Variants in UBE2V2 observed in about 807,000 individuals in gnomAD.
UBE2V2 encodes ubiquitin-conjugating enzyme E2 variant 2.
A neutral mutation model predicts 17.2 loss-of-function variants in UBE2V2; 9 were observed. The ratio of observed to expected loss-of-function variants is 0.52; its 90% CI spans 0.32 to 0.91. The LOEUF is 0.91. Ranked by LOEUF, UBE2V2 falls within the 40% of genes least tolerant of loss-of-function variation. The pLI is 0.04. For synonymous variants in UBE2V2, 61 were observed against 57.5 expected, an observed-to-expected ratio of 1.06 and a Z score of -0.28; for missense variants, 133 against 182.6, an observed-to-expected ratio of 0.73 and a Z score of 1.56.
At chr8:48,009,240 G>T (rs1367283481) in intron 1 of UBE2V2, among the ~76,000 whole-genome samples, 15 of 151,024 alleles carry the variant, frequency 9.9e-5, no homozygotes, top group Admixed American at 8.6e-4. Context: ...ATGTTAACCC[G>T]TGTGATCTGC....
At position 48,043,026 on chromosome 8, in the gene UBE2V2, T is replaced by G. The variant is rs2091474663; in HGVS notation, c.17-7T>G. 6.6e-7 allele frequency: 1 copy of G among 1,508,362 alleles called. No individual in the cohort carries two copies. The highest frequency in any genetic ancestry group is 2.1e-5 in the Admixed American group (1 of 48,192). The allele number at this position is 1,508,362 out of a possible 1,614,324, so 93.4% of individuals were successfully genotyped here. A position where few individuals can be genotyped will look rare whatever the true frequency, so the allele number is the denominator to read the frequency against. On this transcript the variant is annotated splice_polypyrimidine_tract_variant and splice_region_variant and intron_variant, in intron 1 of 3. Transcript: ENST00000523111. Reference sequence around the variant, plus strand: ...TTTTACATTTACACTGACGTTCTTTTGTATAGGAGTTAAAGTTCCTCGTAA... The same window carrying G: ...TTTTACATTTACACTGACGTTCTTTGGTATAGGAGTTAAAGTTCCTCGTAA...
chr8:48,044,074 A>G (rs575302063), intron 2 of UBE2V2, among the ~76,000 whole-genome samples: 1 of 152,130 alleles, frequency 6.6e-6, no homozygotes, highest in Non-Finnish European at 1.5e-5. Context: ...TTGGTTTTGT[A>G]TACTGGTTGC....
intron 1 of UBE2V2, among the ~76,000 whole-genome samples, chr8:48,027,109 C>T (rs761434472): frequency 1.1e-4 from 16 of 151,974 alleles, no homozygotes; most frequent in Non-Finnish European, 2.4e-4. Context: ...CTCAGCCTCC[C>T]ACGTAGCTTG....
chr8:48,035,955 T>C (rs986981082), intron 1 of UBE2V2, among the ~76,000 whole-genome samples: 2 of 130,642 alleles, frequency 1.5e-5, no homozygotes, highest in Non-Finnish European at 3.6e-5. Context: ...TTTCTTTTTT[T>C]TTTTTTTTTT....
chr8:48,031,893 G>T (rs900672456), intron 1 of UBE2V2, among the ~76,000 whole-genome samples: 5 of 152,064 alleles, frequency 3.3e-5, no homozygotes, highest in African/African-American at 1.2e-4. Context: ...TGATCCACCC[G>T]CCTTGGCCTC....
chr8:48,020,457 A>G (rs575313602), intron 1 of UBE2V2, among the ~76,000 whole-genome samples: 1 of 151,758 alleles, frequency 6.6e-6, no homozygotes, highest in East Asian at 1.9e-4. Flanking sequence ...CCATTCAGTC[A>G]CTCTATGTCT....
chr8:48,014,756 A>C (rs2091256868), intron 1 of UBE2V2, among the ~76,000 whole-genome samples: 1 of 151,786 alleles, frequency 6.6e-6, no homozygotes, highest in Non-Finnish European at 1.5e-5. Flanking sequence ...TATTTCATTA[A>C]AAAAAGCTTG....
chr8:48,018,559 T>C (rs2091284887), intron 1 of UBE2V2, among the ~76,000 whole-genome samples: 1 of 152,236 alleles, frequency 6.6e-6, no homozygotes, highest in African/African-American at 2.4e-5. Context: ...TTAAGACTTA[T>C]TTTGTGGCTT....
chr8:48,046,491 G>T (rs2091500066), intron 2 of UBE2V2, among the ~76,000 whole-genome samples: 1 of 152,282 alleles, frequency 6.6e-6, no homozygotes, highest in East Asian at 1.9e-4. Context: ...GACCTCAGAT[G>T]ATCCGCCCAC....
intron 1 of UBE2V2, among the ~76,000 whole-genome samples, chr8:48,018,760 C>T (rs2091285612): frequency 6.6e-6 from 1 of 152,156 alleles, no homozygotes; most frequent in Admixed American, 6.6e-5. Flanking sequence ...GTGAAAATCT[C>T]CTACTGTTAC....
intron 2 of UBE2V2, 116 bp from the exon 3 acceptor site, chr8:48,049,737 A>G: frequency 1.1e-6 from 1 of 910,732 alleles, no homozygotes; most frequent in Non-Finnish European, 1.6e-6. Context: ...ATTCTTAATC[A>G]TAAACACTGT....
chr8:48,028,272 A>T (rs890966817), intron 1 of UBE2V2, among the ~76,000 whole-genome samples: 24 of 151,066 alleles, frequency 1.6e-4, no homozygotes, highest in Non-Finnish European at 3.5e-4. Flanking sequence ...GGTTCAAGTG[A>T]TCCTCCCACG....
chr8:48,031,451 G>A (rs1164082080), intron 1 of UBE2V2, among the ~76,000 whole-genome samples: 1 of 152,074 alleles, frequency 6.6e-6, no homozygotes, highest in Admixed American at 6.6e-5. Context: ...CCATATAGGT[G>A]GTGATTTTTT....
chr8:48,047,041 A>G (rs913586153), intron 2 of UBE2V2, among the ~76,000 whole-genome samples: 1 of 151,408 alleles, frequency 6.6e-6, no homozygotes, highest in Admixed American at 6.6e-5. Context: ...TCCCAGGTTC[A>G]AGTGATTCTC....
At chr8:48,035,637 G>T (rs867873713) in intron 1 of UBE2V2, among the ~76,000 whole-genome samples, 1,860 of 113,962 alleles carry the variant, frequency 0.016, 71 homozygotes, top group African/African-American at 0.07. Context: ...TTTTTTGTGT[G>T]TGTGTGTGTG....
upstream of UBE2V2, among the ~76,000 whole-genome samples, chr8:48,005,115 A>G (rs1158396229): frequency 1.3e-5 from 2 of 149,482 alleles, no homozygotes; most frequent in Non-Finnish European, 3.0e-5. Flanking sequence ...GGTTTGCTAC[A>G]CCCATCAACC....
At chr8:48,056,755 GC>G (rs1335282065) in intron 3 of UBE2V2, among the ~76,000 whole-genome samples, 1 of 152,098 alleles carries the variant, frequency 6.6e-6, no homozygotes, top group Non-Finnish European at 1.5e-5. Context: ...ACAGAGTCTT[GC>G]TGTGCCGCCC....
upstream of UBE2V2, among the ~76,000 whole-genome samples, chr8:48,004,683 A>C (rs983949418): frequency 6.6e-6 from 1 of 151,832 alleles, no homozygotes; most frequent in Non-Finnish European, 1.5e-5. Flanking sequence ...GGTGGCCGCC[A>C]CCATACCTGG....
In UBE2V2 at chr8:48,061,538, A is replaced by C. The variant is rs978799996; in HGVS notation, c.*710A>C. The stretch of plus-strand genomic sequence containing the variant: ...TGATTTTGAGATTAAAGTTAGTCTT[A>C]AAATGTAAATAAAATGTGAAACGTG... On this transcript the variant is annotated 3_prime_UTR_variant, in exon 4 of 4. Transcript: ENST00000523111. 2.6e-5 allele frequency: 4 copies of C among 152,662 alleles called. No individual in the cohort carries two copies. The highest frequency in any genetic ancestry group is 5.9e-5 in the Non-Finnish European group (4 of 68,042). 9.5% of individuals were successfully genotyped at this position (152,662 alleles called of 1,614,324 possible).
Sources: gnomAD v4.1 joint callset for allele counts (sites outside exome capture counted in the v4.1 genomes callset) on GRCh38, gnomAD v4.1.1 for gene constraint, MANE v1.5 for transcripts, NCBI Gene and HGNC (gene_info 2026-07-23, HGNC 2026-07-21) for gene names.